The following STX1A variants were observed in gnomAD, a reference collection of about 807,000 sequenced individuals.
The protein encoded by STX1A is syntaxin-1A.
A neutral mutation model predicts 37.8 loss-of-function variants in STX1A; 4 were observed. That is an observed-to-expected ratio of 0.11 (90% CI 0.05 to 0.24). The LOEUF is 0.24. Ranked by LOEUF, STX1A falls within the 10% of genes least tolerant of loss-of-function variation. The pLI is 1.00. For missense variants in STX1A, 251 were observed against 399.9 expected, an observed-to-expected ratio of 0.63 and a Z score of 3.18; for synonymous variants, 135 against 147.4, an observed-to-expected ratio of 0.92 and a Z score of 0.61.
intron 8 of STX1A, among the ~76,000 whole-genome samples, chr7:73,701,677 C>A (rs577555719): frequency 6.6e-6 from 1 of 152,192 alleles, no homozygotes; most frequent in East Asian, 1.9e-4. Context: ...CCAAGTCCAT[C>A]GGTTGCCTTC....
Position 73,700,321 on chromosome 7 carries a change from G to T in STX1A, c.*86C>A. The T allele has an allele frequency of 7.3e-7, 1 of 1,373,876 alleles. No individual in the cohort carries two copies. The highest frequency in any genetic ancestry group is 1.0e-6 in the Non-Finnish European group (1 of 968,440). 85.1% of individuals were successfully genotyped at this position (1,373,876 alleles called of 1,614,324 possible). A position where few individuals can be genotyped will look rare whatever the true frequency, so the allele number is the denominator to read the frequency against. On this transcript the variant is annotated 3_prime_UTR_variant, in exon 10 of 10. Coordinates refer to ENST00000222812, the MANE Select transcript of STX1A (RefSeq NM_004603.4). This position sits in a 1 kb window ranked among gnomAD's most constrained non-coding sequence, Gnocchi z 4.4. Reference sequence around the variant, plus strand: ...AGGGTGCTCTGAGCCAGAGGCGGGGGTTGGGAGGGCAGCCCAGCCAGGTGG... The same window carrying T: ...AGGGTGCTCTGAGCCAGAGGCGGGGTTTGGGAGGGCAGCCCAGCCAGGTGG...
chr7:73,703,204 G>A (rs1421585061), intron 7 of STX1A, among the ~76,000 whole-genome samples: 1 of 152,188 alleles, frequency 6.6e-6, no homozygotes, highest in Non-Finnish European at 1.5e-5. Context: ...TGGGGCTAGT[G>A]ACACTTTCCA....
At position 73,704,181 on chromosome 7, in the gene STX1A, A is replaced by T; in HGVS notation, c.433T>A (p.Cys145Ser). The T allele has an allele frequency of 6.3e-7, 1 of 1,583,476 alleles. No homozygotes were observed. ...NATQSDYRER[C>S]KGRIQRQLEI... ...AGCTGCCTCTGGATGCGGCCTTTGC[A>T]GCGCTCGCGGTAGTCGGACTGCGTG... The change falls in exon 6 of 10, where the codon TGC becomes AGC. Residue 145 changes from cysteine (C) to serine (S), a missense_variant. Coordinates refer to ENST00000222812, the MANE Select transcript of STX1A (RefSeq NM_004603.4).
In STX1A at chr7:73,702,527, A is replaced by G. The variant is rs562782727; in HGVS notation, c.678+318T>C. On this transcript the variant is annotated intron_variant, in intron 8 of 9. Coordinates refer to ENST00000222812, the MANE Select transcript of STX1A (RefSeq NM_004603.4). This position sits in a 1 kb window ranked among gnomAD's most constrained non-coding sequence, Gnocchi z 4.7. ...TCCCTGAGCTGTCCTGGTCACTGCT[A>G]TGCCTTCAGTCTCTGGGGAAATGCG... The G allele has an allele frequency of 4.7e-6, 3 of 642,348 alleles. No homozygotes were observed. Among genetic ancestry groups the G allele is most frequent in the Non-Finnish European group, 7.5e-6 (3 of 397,786 alleles). The allele number at this position is 642,348 out of a possible 1,614,324, so 39.8% of individuals were successfully genotyped here.
At chr7:73,708,947 G>T in intron 2 of STX1A, 98 bp downstream of exon 2, 1 of 1,336,762 alleles carries the variant, frequency 7.5e-7, no homozygotes, top group South Asian at 1.2e-5. Context: ...TGCTGAGCCA[G>T]GTGCAGGTGT....
intron 1 of STX1A, among the ~76,000 whole-genome samples, chr7:73,713,015 T>C (rs1212466074): frequency 3.3e-5 from 5 of 152,230 alleles, no homozygotes; most frequent in Non-Finnish European, 5.9e-5. Flanking sequence ...TAAGTGATCA[T>C]GTAGCATTTC....
chr7:73,707,627 G>T lies in STX1A; in HGVS notation c.208+962C>A, dbSNP rs782614529. On this transcript the variant is annotated intron_variant, in intron 3 of 9. Transcript: ENST00000222812. ...AGTTGCCTTAGAAAAAAGCCAGTTCGAAATGAAAAAAAATACCTTCTTGGG... is the reference window on the plus strand; with the variant it reads ...AGTTGCCTTAGAAAAAAGCCAGTTCTAAATGAAAAAAAATACCTTCTTGGG... Among the ~76,000 whole-genome samples the T allele has an allele frequency of 4.7e-4, 72 of 152,016 alleles. 1 individual carries two copies. The highest frequency in any genetic ancestry group is 3.2e-4 in the Non-Finnish European group (22 of 67,984).
chr7:73,715,144 C>T (rs1328982577), intron 1 of STX1A, among the ~76,000 whole-genome samples: 1 of 146,304 alleles, frequency 6.8e-6, no homozygotes, highest in East Asian at 2.0e-4. Context: ...AAAAAATTGG[C>T]TGGGTGTGGT....
intron 7 of STX1A, 127 bp downstream of exon 7, chr7:73,703,628 T>C: frequency 8.8e-7 from 1 of 1,139,876 alleles, no homozygotes; most frequent in Non-Finnish European, 1.3e-6. Context: ...TCTGGGACTC[T>C]TCCTTCCCTA....
rs1330011687 is a variant in STX1A, at chr7:73,700,909, G to A, written c.679-69C>T. 4 of 1,597,554 alleles carry A rather than the reference G, an allele frequency of 2.5e-6. No individual in the cohort carries two copies. Among genetic ancestry groups the A allele is most frequent in the South Asian group, 1.1e-5 (1 of 90,410 alleles). ...AGGGTTGGGTTGGGGCTCGGGGCAG[G>A]ACTTCAGGAAAGCACCCTGAGGCTA... is the stretch of plus-strand genomic sequence containing the variant. On this transcript the variant is annotated intron_variant, in intron 8 of 9. Coordinates refer to ENST00000222812, the MANE Select transcript of STX1A (RefSeq NM_004603.4). This position sits in a 1 kb window ranked among gnomAD's most constrained non-coding sequence, Gnocchi z 4.4.
rs1230845898 is a variant in STX1A, at chr7:73,702,267, T to A, written c.678+578A>T. ...TCCAACAAAGGCAGCCGCCCCATCGTGGTCACGGTGTTACTCTGTGTAACT... is the reference window on the plus strand; with the variant it reads ...TCCAACAAAGGCAGCCGCCCCATCGAGGTCACGGTGTTACTCTGTGTAACT... On this transcript the variant is annotated intron_variant, in intron 8 of 9. Transcript: ENST00000222812. The surrounding 1 kb of genome is among the most constrained non-coding windows in gnomAD (Gnocchi z 4.7). Among the ~76,000 whole-genome samples, 3 of 152,168 alleles carry A rather than the reference T, an allele frequency of 2.0e-5. No individual in the cohort carries two copies. The highest frequency in any genetic ancestry group is 4.4e-5 in the Non-Finnish European group (3 of 68,014).
At position 73,709,458 on chromosome 7, in the gene STX1A, G is replaced by A. The variant is rs957952179; in HGVS notation, c.31-336C>T. Among the ~76,000 whole-genome samples, 11 of 152,116 alleles carry A rather than the reference G, an allele frequency of 7.2e-5. No homozygotes were observed. The highest frequency in any genetic ancestry group is 3.8e-4 in the East Asian group (2 of 5,200). On this transcript the variant is annotated intron_variant, in intron 1 of 9. Coordinates refer to ENST00000222812, the MANE Select transcript of STX1A (RefSeq NM_004603.4). This position sits in a 1 kb window ranked among gnomAD's most constrained non-coding sequence, Gnocchi z 4.2. ...GCCTGGGGCCGGCCGCTCTGTCTGG[G>A]CCCTCTGGGTCCCCTAGGCCCCTAG...
In STX1A at chr7:73,706,598, C is replaced by T. The variant is rs1363823506; in HGVS notation, c.209-1374G>A. Among the ~76,000 whole-genome samples, 2 of 152,100 alleles carry T rather than the reference C, an allele frequency of 1.3e-5. No homozygotes were observed. The highest frequency in any genetic ancestry group is 2.9e-5 in the Non-Finnish European group (2 of 68,012). On this transcript the variant is annotated intron_variant, in intron 3 of 9. Coordinates refer to ENST00000222812, the MANE Select transcript of STX1A (RefSeq NM_004603.4). This position sits in a 1 kb window ranked among gnomAD's most constrained non-coding sequence, Gnocchi z 4.6. Reference sequence around the variant, plus strand: ...CGGTCCCTATGACTGTGCATGACACCGCAGCAGGAGACGGTGCAGGAGGTG... The same window carrying T: ...CGGTCCCTATGACTGTGCATGACACTGCAGCAGGAGACGGTGCAGGAGGTG...
intron 8 of STX1A, among the ~76,000 whole-genome samples, chr7:73,701,620 C>A (rs909837649): frequency 6.6e-6 from 1 of 152,192 alleles, no homozygotes; most frequent in African/African-American, 2.4e-5. Context: ...AGAGGCCAAT[C>A]TGACCATGAC....
In STX1A at chr7:73,700,665, G is replaced by A; in HGVS notation, c.789+65C>T. 1.9e-6 allele frequency: 3 copies of A among 1,595,392 alleles called. No homozygotes were observed. The highest frequency in any genetic ancestry group is 2.6e-6 in the Non-Finnish European group (3 of 1,168,430). ...GGAGAGAGGTGGGATGGGGAGGGAT[G>A]TGGGATGGTTGGGGGTCCCTAATGG... On this transcript the variant is annotated intron_variant, in intron 9 of 9. Transcript: ENST00000222812. This position sits in a 1 kb window ranked among gnomAD's most constrained non-coding sequence, Gnocchi z 4.4.
At chr7:73,710,626 T>C (rs1410530621) in intron 1 of STX1A, among the ~76,000 whole-genome samples, 1 of 152,170 alleles carries the variant, frequency 6.6e-6, no homozygotes, top group African/African-American at 2.4e-5. Flanking sequence ...GGTTTCACTA[T>C]GTTGGCCAGG....
chr7:73,704,732 G>T, intron 4 of STX1A: 1 of 528,538 alleles, frequency 1.9e-6, no homozygotes. Context: ...CTGTGTACGA[G>T]GGACCATGCC....
rs551096586 is a variant in STX1A, at chr7:73,707,869, A to G, written c.208+720T>C. Among the ~76,000 whole-genome samples, 9 of 149,414 alleles carry G rather than the reference A, an allele frequency of 6.0e-5. 1 individual carries two copies. In the South Asian group the frequency reaches 1.7e-3, roughly 28 times the overall value. ...AGAATTGCTTGAACCTGGGAGGCGG[A>G]GGTTGCAGTGAGCCGAGATGGCACC... On this transcript the variant is annotated intron_variant, in intron 3 of 9. Coordinates refer to ENST00000222812, the MANE Select transcript of STX1A (RefSeq NM_004603.4).
chr7:73,703,539 G>A (rs1554616244), intron 7 of STX1A: 1 of 711,144 alleles, frequency 1.4e-6, no homozygotes. Context: ...AGTCCAACTG[G>A]GAGGCATCAG....
Sources: allele counts gnomAD v4.1 joint callset (sites outside exome capture counted in the v4.1 genomes callset), GRCh38; gene constraint gnomAD v4.1.1; non-coding constraint Gnocchi (gnomAD v3.1); transcripts MANE v1.5; gene names NCBI Gene and HGNC (gene_info 2026-07-23, HGNC 2026-07-21).